EYA4: variants seen among roughly 807,000 people sequenced by gnomAD.
EYA4 encodes the protein protein phosphatase EYA4.
A neutral mutation model predicts 87.9 loss-of-function variants in EYA4; 31 were observed. That is an observed-to-expected ratio of 0.35 (90% CI 0.27 to 0.48). The LOEUF is 0.48. EYA4 is among the 20% of genes least tolerant of loss of function. The pLI is 0.99. For missense variants in EYA4, 678 were observed against 761.4 expected (o/e 0.89, Z 1.29); for synonymous variants, 263 against 270.6 (o/e 0.97, Z 0.28).
intron 3 of EYA4, among the ~76,000 whole-genome samples, chr6:133,393,726 T>C (rs534885807): frequency 2.0e-5 from 3 of 152,328 alleles, no homozygotes; most frequent in Non-Finnish European, 2.9e-5. Context: ...CATTTTCAAA[T>C]AAATGTCTTG....
At chr6:133,446,825 C>A in intron 4 of EYA4, 71 bp downstream of exon 4, 2 of 1,352,502 alleles carry the variant, frequency 1.5e-6, no homozygotes, top group Non-Finnish European at 2.1e-6. Flanking sequence ...TCTTAGAGAT[C>A]TGCTAATAAA....
intron 1 of EYA4, among the ~76,000 whole-genome samples, chr6:133,251,133 A>G (rs1277519390): frequency 6.6e-6 from 1 of 152,240 alleles, no homozygotes; most frequent in Non-Finnish European, 1.5e-5. Flanking sequence ...ATATTTCCGC[A>G]TACAGTAATC....
chr6:133,378,196 G>A (rs529431194), intron 2 of EYA4, among the ~76,000 whole-genome samples: 54 of 152,192 alleles, frequency 3.5e-4, no homozygotes, highest in African/African-American at 1.1e-3. Flanking sequence ...GGCAAATGTA[G>A]CATAGGAGAG....
intron 1 of EYA4, among the ~76,000 whole-genome samples, chr6:133,262,876 A>G (rs11755785): frequency 1.0e-3 from 155 of 152,346 alleles, no homozygotes; most frequent in Non-Finnish European, 1.7e-3. Flanking sequence ...GGTGCTCATT[A>G]CTATTCATCC....
Position 133,468,562 on chromosome 6 carries a change from T to G in EYA4, c.805-4T>G. On this transcript the variant is annotated splice_region_variant and splice_polypyrimidine_tract_variant and intron_variant, in intron 10 of 19. Coordinates refer to ENST00000355286, the MANE Select transcript of EYA4 (RefSeq NM_004100.5). ...AAACACACACATCTCAATTATTGTT[T>G]CAGGATTATCCATCCTATACAGCCT... 6.2e-7 allele frequency: 1 copy of G among 1,605,038 alleles called. No individual in the cohort carries two copies. The highest frequency in any genetic ancestry group is 8.5e-7 in the Non-Finnish European group (1 of 1,172,298).
At chr6:133,496,316 A>G (rs979253064) in intron 13 of EYA4, among the ~76,000 whole-genome samples, 1 of 152,188 alleles carries the variant, frequency 6.6e-6, no homozygotes, top group Non-Finnish European at 1.5e-5. Context: ...CACAATATGC[A>G]TGTTAGAGTG....
chr6:133,442,108 T>C (rs1047062765), intron 3 of EYA4, among the ~76,000 whole-genome samples: 77 of 152,130 alleles, frequency 5.1e-4, no homozygotes, highest in Non-Finnish European at 7.4e-4. Context: ...TTAAAATCCT[T>C]ATCTGCTAGT....
chr6:133,488,162 G>A (rs2179341), intron 13 of EYA4, among the ~76,000 whole-genome samples: 4,780 of 152,272 alleles, frequency 0.031, 263 homozygotes, highest in East Asian at 0.18. Flanking sequence ...CTTGTGGAAA[G>A]GGTAGGGAAA....
At chr6:133,251,568 A>G (rs1774905358) in intron 1 of EYA4, among the ~76,000 whole-genome samples, 1 of 152,166 alleles carries the variant, frequency 6.6e-6, no homozygotes, top group Non-Finnish European at 1.5e-5. Context: ...AAAAATGATA[A>G]CGTTGTACCT....
At chr6:133,382,275 T>G in intron 2 of EYA4, 117 bp from the exon 3 acceptor site, 1 of 783,562 alleles carries the variant, frequency 1.3e-6, no homozygotes. Context: ...CTGTAAAGTG[T>G]GGGGGGTATT....
intron 1 of EYA4, among the ~76,000 whole-genome samples, chr6:133,250,581 G>A (rs1484569670): frequency 1.3e-5 from 2 of 152,170 alleles, no homozygotes; most frequent in East Asian, 3.9e-4. Context: ...GGCAGAGGTT[G>A]CAGTGAGCTG....
At chr6:133,433,488 C>T (rs1239493419) in intron 3 of EYA4, among the ~76,000 whole-genome samples, 1 of 152,132 alleles carries the variant, frequency 6.6e-6, no homozygotes, top group Non-Finnish European at 1.5e-5. Flanking sequence ...TGCTTTTCAA[C>T]ATGACTACAG....
At chr6:133,461,810 C>T (rs1177588943) in intron 7 of EYA4, among the ~76,000 whole-genome samples, 79 of 129,822 alleles carry the variant, frequency 6.1e-4, no homozygotes, top group Non-Finnish European at 7.1e-4. Context: ...AATGATGTTC[C>T]TTTTTTTTTT....
Position 133,512,771 on chromosome 6 carries a change from G to T in EYA4, c.1332G>T (p.Gln444His), listed in dbSNP as rs1360697925. The change falls in exon 15 of 20, where the codon CAG (glutamine) becomes CAT (histidine). Residue 444 changes from glutamine to histidine, a missense_variant. Transcript: ENST00000355286. Reference sequence around the variant, plus strand: ...ATGTTTCCTCTGATGATAATGGGCAGGACTTAAGGTAAGCTATGCCTTTCA... The same window carrying T: ...ATGTTTCCTCTGATGATAATGGGCATGACTTAAGGTAAGCTATGCCTTTCA... ...IDDVSSDDNG[Q>H]DLSTYSFATD... 1 of 1,612,770 alleles carries T rather than the reference G, an allele frequency of 6.2e-7. No homozygotes were observed. The highest frequency in any genetic ancestry group is 8.5e-7 in the Non-Finnish European group (1 of 1,178,738).
At chr6:133,294,049 ATATATATATAT>A (rs1778732695) in intron 2 of EYA4, among the ~76,000 whole-genome samples, 9 of 90,506 alleles carry the variant, frequency 9.9e-5, no homozygotes, top group Admixed American at 7.3e-4. Flanking sequence ...ATATATATAT[ATATATATATAT>A]ATAATTCTAT....
intron 1 of EYA4, among the ~76,000 whole-genome samples, chr6:133,252,120 GTTAT>G (rs1222177814): frequency 1.3e-5 from 2 of 152,156 alleles, no homozygotes; most frequent in Non-Finnish European, 2.9e-5. Flanking sequence ...TTTTCTTCCG[GTTAT>G]TTGTCAGTAG....
At chr6:133,437,208 A>G (rs1312456280) in intron 3 of EYA4, among the ~76,000 whole-genome samples, 1 of 152,204 alleles carries the variant, frequency 6.6e-6, no homozygotes, top group Non-Finnish European at 1.5e-5. Flanking sequence ...GACTACCTTT[A>G]AATATTATGA....
intron 2 of EYA4, among the ~76,000 whole-genome samples, chr6:133,350,251 A>G (rs1317930019): frequency 6.6e-6 from 1 of 152,164 alleles, no homozygotes; most frequent in Non-Finnish European, 1.5e-5. Context: ...TGAAGACAAA[A>G]GTACACCTTG....
chr6:133,342,206 A>T (rs1324266697), intron 2 of EYA4, among the ~76,000 whole-genome samples: 1 of 151,788 alleles, frequency 6.6e-6, no homozygotes, highest in Non-Finnish European at 1.5e-5. Flanking sequence ...CTTCGGTAGC[A>T]GGGTGGAGTC....
Sources: allele counts gnomAD v4.1 joint callset (sites outside exome capture counted in the v4.1 genomes callset), GRCh38; gene constraint gnomAD v4.1.1; transcripts MANE v1.5; gene names NCBI Gene and HGNC (gene_info 2026-07-23, HGNC 2026-07-21).